The following FGF12 variants were observed in gnomAD, a reference collection of about 807,000 sequenced individuals.
FGF12 encodes fibroblast growth factor 12, also known as fibroblast growth factor 12B.
Under a neutral mutation model 23.6 loss-of-function variants are expected in FGF12, and 14 were observed. The ratio of observed to expected loss-of-function variants is 0.59; its 90% CI spans 0.39 to 0.93. The LOEUF is 0.93. FGF12 is among the 40% of genes least tolerant of loss of function. The pLI is 0.00. For missense variants in FGF12, 175 were observed against 217.8 expected (o/e 0.80, Z 1.24); for synonymous variants, 62 against 77.3 (o/e 0.80, Z 1.04).
intron 5 of FGF12, among the ~76,000 whole-genome samples, chr3:192,146,140 T>C (rs546090446): frequency 1.3e-4 from 20 of 152,276 alleles, no homozygotes; most frequent in Middle Eastern, 3.4e-3. Flanking sequence ...ACCCCACAGA[T>C]TGCTAAATCA....
chr3:192,468,546 C>T (rs947949678), intron 2 of FGF12, among the ~76,000 whole-genome samples: 3 of 152,142 alleles, frequency 2.0e-5, no homozygotes, highest in African/African-American at 4.8e-5. Flanking sequence ...ATGGAGGCTA[C>T]GCATTTTTTT....
intron 4 of FGF12, among the ~76,000 whole-genome samples, chr3:192,301,013 A>T (rs917254987): frequency 1.3e-5 from 2 of 152,168 alleles, no homozygotes; most frequent in African/African-American, 4.8e-5. Flanking sequence ...AGGAAAAGAA[A>T]ATTCCCGAAA....
intron 4 of FGF12, among the ~76,000 whole-genome samples, chr3:192,248,437 T>A (rs572075290): frequency 1.3e-5 from 2 of 152,342 alleles, no homozygotes; most frequent in South Asian, 4.1e-4. Flanking sequence ...ACACTGAATA[T>A]ACTTATCACA....
At chr3:192,665,054 G>T (rs1213980881) in intron 2 of FGF12, among the ~76,000 whole-genome samples, 2 of 152,212 alleles carry the variant, frequency 1.3e-5, no homozygotes, top group Admixed American at 6.5e-5. Context: ...GCAAAATCAG[G>T]ACCATGGTTT....
At chr3:192,303,534 A>G (rs917021171) in intron 4 of FGF12, among the ~76,000 whole-genome samples, 5 of 152,224 alleles carry the variant, frequency 3.3e-5, no homozygotes, top group Admixed American at 3.3e-4. Flanking sequence ...AGTGCACAAG[A>G]TAATTACTAA....
chr3:192,436,200 T>A (rs748650892), intron 2 of FGF12, among the ~76,000 whole-genome samples: 1 of 152,026 alleles, frequency 6.6e-6, no homozygotes, highest in Non-Finnish European at 1.5e-5. Flanking sequence ...CTTAAATTAA[T>A]AAAGATGAGA....
At chr3:192,398,260 C>G (rs1040293699) in intron 2 of FGF12, among the ~76,000 whole-genome samples, 1 of 152,182 alleles carries the variant, frequency 6.6e-6, no homozygotes, top group African/African-American at 2.4e-5. Context: ...ATAGTTTTGT[C>G]CTTCAAGTAA....
intron 2 of FGF12, among the ~76,000 whole-genome samples, chr3:192,645,566 C>T (rs899884161): frequency 2.0e-5 from 3 of 152,060 alleles, no homozygotes; most frequent in African/African-American, 7.2e-5. Flanking sequence ...ACATGTGGAA[C>T]ATTCACATAG....
At chr3:192,596,170 A>T (rs1182593528) in intron 2 of FGF12, among the ~76,000 whole-genome samples, 1 of 149,362 alleles carries the variant, frequency 6.7e-6, no homozygotes, top group African/African-American at 2.4e-5. Flanking sequence ...ATTACAACAT[A>T]TTAGATAATA....
At chr3:192,392,431 A>AAATAAATAAATT (rs1201734086) in intron 2 of FGF12, among the ~76,000 whole-genome samples, 5 of 150,788 alleles carry the variant, frequency 3.3e-5, no homozygotes, top group African/African-American at 1.2e-4. Flanking sequence ...ATAAATAAAT[A>AAATAAATAAATT]AATAAATAAA....
At chr3:192,641,113 T>G (rs1187389387) in intron 2 of FGF12, among the ~76,000 whole-genome samples, 1 of 86,690 alleles carries the variant, frequency 1.2e-5, no homozygotes, top group East Asian at 4.1e-4. Flanking sequence ...TTTTTTTTTT[T>G]TTTTTTTTTT....
At chr3:192,575,029 T>A (rs1026207749) in intron 2 of FGF12, among the ~76,000 whole-genome samples, 2 of 152,210 alleles carry the variant, frequency 1.3e-5, no homozygotes, top group Non-Finnish European at 2.9e-5. Flanking sequence ...CTATGGTATA[T>A]CCATACAATG....
intron 2 of FGF12, among the ~76,000 whole-genome samples, chr3:192,665,336 C>T (rs908819914): frequency 1.3e-5 from 2 of 151,958 alleles, no homozygotes; most frequent in African/African-American, 2.4e-5. Context: ...TAAGTCGAAG[C>T]GAGAGAACAG....
chr3:192,167,773 T>TATATATAA (rs1560175832), intron 5 of FGF12, among the ~76,000 whole-genome samples: 8 of 12,556 alleles, frequency 6.4e-4, no homozygotes, highest in African/African-American at 1.4e-3. Flanking sequence ...ATATATAAAA[T>TATATATAA]TTTTTTTTTT....
intron 2 of FGF12, among the ~76,000 whole-genome samples, chr3:192,669,320 G>A (rs1428272117): frequency 6.6e-6 from 1 of 152,096 alleles, no homozygotes; most frequent in Non-Finnish European, 1.5e-5. Context: ...CAGCACAGTG[G>A]TTCACGCCTG....
At position 192,141,953 on chromosome 3, in the gene FGF12, G is replaced by A. The variant is rs1429356578; in HGVS notation, c.*2056C>T. ...TCTTTTTTTTTTTGGTTCTGGTAGT[G>A]ACAGGTGTATTTATAATCAAGTTGA... is the stretch of plus-strand genomic sequence containing the variant. On this transcript the variant is annotated 3_prime_UTR_variant, in exon 6 of 6. Transcript: ENST00000445105. 6.6e-6 allele frequency: 1 copy of A among 151,216 alleles called. No individual in the cohort carries two copies. The highest frequency in any genetic ancestry group is 1.5e-5 in the Non-Finnish European group (1 of 67,712). The allele number at this position is 151,216 out of a possible 1,614,324, so 9.4% of individuals were successfully genotyped here. A position where few individuals can be genotyped will look rare whatever the true frequency, so the allele number is the denominator to read the frequency against.
At chr3:192,484,501 A>T (rs1458951372) in intron 2 of FGF12, among the ~76,000 whole-genome samples, 1 of 152,140 alleles carries the variant, frequency 6.6e-6, no homozygotes, top group African/African-American at 2.4e-5. Context: ...CTACCTTATT[A>T]TTCTATTATT....
At chr3:192,303,054 C>A (rs2108661539) in intron 4 of FGF12, among the ~76,000 whole-genome samples, 1 of 152,196 alleles carries the variant, frequency 6.6e-6, no homozygotes, top group African/African-American at 2.4e-5. Context: ...ATGATGTGTG[C>A]CCAGAGTCCT....
At chr3:192,240,372 T>C (rs548048718) in intron 4 of FGF12, among the ~76,000 whole-genome samples, 9 of 152,334 alleles carry the variant, frequency 5.9e-5, no homozygotes, top group Admixed American at 3.9e-4. Context: ...TTTTGGAATA[T>C]CAACTTTTCA....
Sources: allele counts gnomAD v4.1 joint callset (sites outside exome capture counted in the v4.1 genomes callset), GRCh38; gene constraint gnomAD v4.1.1; transcripts MANE v1.5; gene names NCBI Gene and HGNC (gene_info 2026-07-23, HGNC 2026-07-21).